The following GGCX variants were observed in gnomAD, a reference collection of about 807,000 sequenced individuals.
GGCX encodes gamma-glutamyl carboxylase, also known as vitamin K-dependent gamma-carboxylase.
A neutral mutation model predicts 88.5 loss-of-function variants in GGCX; 63 were observed. The ratio of observed to expected loss-of-function variants is 0.71; its 90% CI spans 0.58 to 0.88. GGCX has a LOEUF of 0.88. Among genes scored for constraint, GGCX ranks in the 40% least tolerant of loss-of-function variants. The pLI, the probability that GGCX is intolerant of heterozygous loss-of-function variation, is 0.00. For missense variants in GGCX, 805 were observed against 932.9 expected (o/e 0.86, Z 1.79); for synonymous variants, 368 against 365.8 (o/e 1.01, Z -0.07).
Position 85,561,474 on chromosome 2 carries a change from G to A in GGCX, c.-46C>T, listed in dbSNP as rs376371398. 1.6e-3 allele frequency: 2,307 copies of A among 1,451,722 alleles called. 3 individuals are homozygous for A. The highest frequency in any genetic ancestry group is 2.0e-3 in the Middle Eastern group (11 of 5,374). 89.9% of individuals were successfully genotyped at this position (1,451,722 alleles called of 1,614,324 possible). ...TGGGTCACAGCTGCCGCGTCTGAAC[G>A]GAGGCCGCCAGGAGAATTTGCTTCC... is the stretch of plus-strand genomic sequence containing the variant. On this transcript the variant is annotated 5_prime_UTR_variant, in exon 1 of 15. Transcript: ENST00000233838.
At position 85,560,150 on chromosome 2, in the gene GGCX, G is replaced by A. The variant is rs533581960; in HGVS notation, c.214+665C>T. Among the ~76,000 whole-genome samples, 55 of 152,180 alleles carry A rather than the reference G, an allele frequency of 3.6e-4. No individual in the cohort carries two copies. In the South Asian group the frequency reaches 0.011, roughly 30 times the overall value. Reference sequence around the variant, plus strand: ...AACCATTCCAAGCACACCATGCTGCGGCCTCAGTTAAGAAGCTCTTGATTA... The same window carrying A: ...AACCATTCCAAGCACACCATGCTGCAGCCTCAGTTAAGAAGCTCTTGATTA... On this transcript the variant is annotated intron_variant, in intron 2 of 14. Transcript: ENST00000233838.
rs1464943653 is a variant in GGCX, at chr2:85,546,569, G to A, written c.*3365C>T. 1 of 152,152 alleles carries A rather than the reference G, an allele frequency of 6.6e-6. No homozygotes were observed. Among genetic ancestry groups the A allele is most frequent in the Non-Finnish European group, 1.5e-5 (1 of 68,062 alleles). The allele number at this position is 152,152 out of a possible 1,614,324, so 9.4% of individuals were successfully genotyped here. The stretch of plus-strand genomic sequence containing the variant: ...TCTACCAAAAATACAAAAAAGCTGG[G>A]TGTGGTGGCAGGTGCTTGTAATCCC... On this transcript the variant is annotated 3_prime_UTR_variant, in exon 15 of 15. Coordinates refer to ENST00000233838, the MANE Select transcript of GGCX (RefSeq NM_000821.7).
At chr2:85,550,897 AT>A in intron 13 of GGCX, 27 bp downstream of exon 13, 1 of 1,612,358 alleles carries the variant, frequency 6.2e-7, no homozygotes, top group East Asian at 2.2e-5. Flanking sequence ...ACCAGAGGCT[AT>A]CTCAGCCCAA....
Position 85,546,073 on chromosome 2 carries a change from G to T in GGCX, c.*3861C>A, listed in dbSNP as rs1434438404. 1.3e-5 allele frequency: 2 copies of T among 152,206 alleles called. No individual in the cohort carries two copies. Among genetic ancestry groups the T allele is most frequent in the Non-Finnish European group, 2.9e-5 (2 of 68,042 alleles). The allele number at this position is 152,206 out of a possible 1,614,324, so 9.4% of individuals were successfully genotyped here. On this transcript the variant is annotated 3_prime_UTR_variant, in exon 15 of 15. Coordinates refer to ENST00000233838, the MANE Select transcript of GGCX (RefSeq NM_000821.7). ...TGGTCCAGCTTGTCCTGCAAATGTA[G>T]AGCCAAGGAGTGCTTGCTTATGCCT...
At chr2:85,555,417 T>C in intron 6 of GGCX, 67 bp downstream of exon 6, 4 of 836,440 alleles carry the variant, frequency 4.8e-6, no homozygotes, top group Admixed American at 3.5e-5. Flanking sequence ...GTGCCATTAC[T>C]GAGAGAGATG....
In GGCX at chr2:85,546,069, T is replaced by C. The variant is rs1334911838; in HGVS notation, c.*3865A>G. Reference sequence around the variant, plus strand: ...ATGGTGGTCCAGCTTGTCCTGCAAATGTAGAGCCAAGGAGTGCTTGCTTAT... The same window carrying C: ...ATGGTGGTCCAGCTTGTCCTGCAAACGTAGAGCCAAGGAGTGCTTGCTTAT... On this transcript the variant is annotated 3_prime_UTR_variant, in exon 15 of 15. Transcript: ENST00000233838. 6.6e-6 allele frequency: 1 copy of C among 152,190 alleles called. No individual in the cohort carries two copies. The highest frequency in any genetic ancestry group is 1.5e-5 in the Non-Finnish European group (1 of 68,036). The allele number at this position is 152,190 out of a possible 1,614,324, so 9.4% of individuals were successfully genotyped here. A position where few individuals can be genotyped will look rare whatever the true frequency, so the allele number is the denominator to read the frequency against.
Position 85,551,032 on chromosome 2 carries a change from G to A in GGCX, c.1781C>T (p.Pro594Leu). The A allele has an allele frequency of 6.2e-7, 1 of 1,613,670 alleles. No homozygotes were observed. Among genetic ancestry groups the A allele is most frequent in the Non-Finnish European group, 8.5e-7 (1 of 1,179,530 alleles). Reference sequence around the variant, plus strand: ...GACGTACATGTAGCAAGAAGGGCTAGGTGATGTCGTATACACCTTATGGTA... The same window carrying A: ...GACGTACATGTAGCAAGAAGGGCTAAGTGATGTCGTATACACCTTATGGTA... ...GEYHKVYTTS[P>L]SPSCYMYVYV... The change falls in exon 13 of 15, where the codon CCT becomes CTT. Residue 594 changes from proline (P) to leucine (L), a missense_variant. Physicochemically the swap from Pro to Leu is moderately conservative, Grantham distance 98. This residue lies in a region of GGCX where 680 missense variants were observed against 763.7 expected (regional missense o/e 0.89). Coordinates refer to ENST00000233838, the MANE Select transcript of GGCX (RefSeq NM_000821.7).
At chr2:85,551,651 A>C in intron 11 of GGCX, 41 bp from the exon 12 acceptor site, 2 of 1,611,708 alleles carry the variant, frequency 1.2e-6, no homozygotes, top group Non-Finnish European at 1.7e-6. Context: ...CCCATGGCAG[A>C]GTGAACTCAC....
chr2:85,560,861 A>T lies in GGCX; in HGVS notation c.168T>A (p.Asn56Lys). 1.2e-6 allele frequency: 2 copies of T among 1,614,190 alleles called. No homozygotes were observed. The highest frequency in any genetic ancestry group is 3.3e-5 in the Admixed American group (2 of 60,024). ...SSWRRLVTLL[N>K]RPTDPASLAV... is the part of the protein sequence containing the mutation. Reference sequence around the variant, plus strand: ...CTAAGCTTGCAGGGTCCGTTGGTCGATTCAGCAGGGTCACCAGCCTCCGCC... The same window carrying T: ...CTAAGCTTGCAGGGTCCGTTGGTCGTTTCAGCAGGGTCACCAGCCTCCGCC... The change falls in exon 2 of 15, where the codon AAT (asparagine) becomes AAA (lysine). Residue 56 changes from asparagine (N) to lysine (K), a missense_variant. Asn to Lys is a moderately conservative substitution (Grantham distance 94). This residue lies in a region of GGCX where 61 missense variants were observed against 111.9 expected (regional missense o/e 0.54). Coordinates refer to ENST00000233838, the MANE Select transcript of GGCX (RefSeq NM_000821.7).
At position 85,548,919 on chromosome 2, in the gene GGCX, C is replaced by A. The variant is rs1691797033; in HGVS notation, c.*1015G>T. The A allele has an allele frequency of 6.6e-6, 1 of 152,134 alleles. No individual in the cohort carries two copies. Among genetic ancestry groups the A allele is most frequent in the Non-Finnish European group, 1.5e-5 (1 of 68,016 alleles). The allele number at this position is 152,134 out of a possible 1,614,324, so 9.4% of individuals were successfully genotyped here. ...TTATTTTTAGAGAAAATCTAGCAAT[C>A]ATCTAGATTTCCTTATTTAACTTTG... On this transcript the variant is annotated 3_prime_UTR_variant, in exon 15 of 15. Coordinates refer to ENST00000233838, the MANE Select transcript of GGCX (RefSeq NM_000821.7).
rs1372268890 is a variant in GGCX, at chr2:85,548,662, AG to A, written c.*1271del. The A allele has an allele frequency of 6.6e-6, 1 of 152,180 alleles. No individual in the cohort carries two copies. The highest frequency in any genetic ancestry group is 1.5e-5 in the Non-Finnish European group (1 of 68,042). The allele number at this position is 152,180 out of a possible 1,614,324, so 9.4% of individuals were successfully genotyped here. ...CAATTTACTACCGGTCTCTGCTACA[AG>A]TCCATGAGCTCCCAAAGCAGGGATC... On this transcript the variant is annotated 3_prime_UTR_variant, in exon 15 of 15. Coordinates refer to ENST00000233838, the MANE Select transcript of GGCX (RefSeq NM_000821.7).
intron 6 of GGCX, 55 bp from the exon 7 acceptor site, chr2:85,554,361 C>G: frequency 4.2e-5 from 65 of 1,533,710 alleles, no homozygotes; most frequent in Non-Finnish European, 5.7e-5. Flanking sequence ...CACATCAAAG[C>G]ACATTCACAG....
At chr2:85,559,511 G>A (rs914279120) in intron 2 of GGCX, among the ~76,000 whole-genome samples, 4 of 151,994 alleles carry the variant, frequency 2.6e-5, no homozygotes, top group African/African-American at 9.7e-5. Context: ...TTGGGAGTTC[G>A]AAACCAGCCT....
chr2:85,550,179 A>G, intron 14 of GGCX, 53 bp from the exon 15 acceptor site: 1 of 1,389,538 alleles, frequency 7.2e-7, no homozygotes, highest in South Asian at 1.2e-5. Context: ...CACCAGAAGA[A>G]TTTCAGCTAA....
chr2:85,550,709 C>G lies in GGCX; in HGVS notation c.1930G>C (p.Gly644Arg). The G allele has an allele frequency of 6.2e-7, 1 of 1,614,168 alleles. No individual in the cohort carries two copies. The highest frequency in any genetic ancestry group is 8.5e-7 in the Non-Finnish European group (1 of 1,180,030). Residue 644 changes from glycine to arginine, a missense_variant, in exon 14 of 15, where the codon GGG becomes CGG. Gly to Arg is a moderately radical substitution (Grantham distance 125). This residue lies in a region of GGCX where 680 missense variants were observed against 763.7 expected (regional missense o/e 0.89). Transcript: ENST00000233838. ...LPPELQPLLE[G>R]EVKGGPEPTP... ...GGCTCAGGGCCCCCTTTTACTTCCC[C>G]TTCCAACAGAGGCTGCAGCTCTGGG...
At position 85,547,647 on chromosome 2, in the gene GGCX, G is replaced by T. The variant is rs1452284787; in HGVS notation, c.*2287C>A. Reference sequence around the variant, plus strand: ...TATCTTCTATTGTGTTACTATGAGAGAAGATCTGCAAAAGGATTGAAAATC... The same window carrying T: ...TATCTTCTATTGTGTTACTATGAGATAAGATCTGCAAAAGGATTGAAAATC... On this transcript the variant is annotated 3_prime_UTR_variant, in exon 15 of 15. Transcript: ENST00000233838. The T allele has an allele frequency of 6.6e-6, 1 of 152,208 alleles. No individual in the cohort carries two copies. Among genetic ancestry groups the T allele is most frequent in the Non-Finnish European group, 1.5e-5 (1 of 68,044 alleles). 9.4% of individuals were successfully genotyped at this position (152,208 alleles called of 1,614,324 possible).
intron 4 of GGCX, among the ~76,000 whole-genome samples, chr2:85,556,656 G>A (rs1171722084): frequency 6.6e-6 from 1 of 152,154 alleles, no homozygotes; most frequent in African/African-American, 2.4e-5. Context: ...ACCCTCAACA[G>A]CAGAGTAACA....
rs1328083470 is a variant in GGCX, at chr2:85,549,448, A to G, written c.*486T>C. 1.2e-5 allele frequency: 2 copies of G among 173,042 alleles called. No homozygotes were observed. The highest frequency in any genetic ancestry group is 3.2e-4 in the East Asian group (2 of 6,164). The allele number at this position is 173,042 out of a possible 1,614,324, so 10.7% of individuals were successfully genotyped here. ...TCGATCTCGGCTCACTGCAACCTCC[A>G]CCTCCTGGGCCCAAGCGATTCTCAT... On this transcript the variant is annotated 3_prime_UTR_variant, in exon 15 of 15. Coordinates refer to ENST00000233838, the MANE Select transcript of GGCX (RefSeq NM_000821.7).
At chr2:85,559,794 A>G (rs1692354902) in intron 2 of GGCX, among the ~76,000 whole-genome samples, 1 of 152,146 alleles carries the variant, frequency 6.6e-6, no homozygotes. Flanking sequence ...CACTCCAAAA[A>G]CAGTTGCATT....
Sources: gnomAD v4.1 joint callset for allele counts (sites outside exome capture counted in the v4.1 genomes callset) on GRCh38, gnomAD v4.1.1 for gene constraint, gnomAD v4.1.1 regional missense constraint, MANE v1.5 for transcripts, NCBI Gene and HGNC (gene_info 2026-07-23, HGNC 2026-07-21) for gene names.